AFAP1L2: variants seen among roughly 807,000 people sequenced by gnomAD.
AFAP1L2 encodes the protein actin filament associated protein 1 like 2.
In AFAP1L2, 46 loss-of-function variants were observed where a neutral mutation model predicts 99.3. The ratio of observed to expected loss-of-function variants is 0.46; its 90% CI spans 0.37 to 0.59. AFAP1L2 has a LOEUF of 0.59. Ranked by LOEUF, AFAP1L2 falls within the 20% of genes least tolerant of loss-of-function variation. The pLI, the probability that AFAP1L2 is intolerant of heterozygous loss-of-function variation, is 0.00. For synonymous variants in AFAP1L2, 397 were observed against 419.1 expected (o/e 0.95, Z 0.64); for missense variants, 959 against 1,034.9 (o/e 0.93, Z 1.01).
At chr10:114,324,012 G>A (rs938636009) in intron 4 of AFAP1L2, among the ~76,000 whole-genome samples, 7 of 152,198 alleles carry the variant, frequency 4.6e-5, no homozygotes, top group Admixed American at 6.5e-5. Context: ...GAGGTTGAAC[G>A]TGTGCAATTT....
chr10:114,309,423 G>A (rs1205930349), intron 8 of AFAP1L2, among the ~76,000 whole-genome samples: 1 of 152,202 alleles, frequency 6.6e-6, no homozygotes, highest in East Asian at 1.9e-4. Flanking sequence ...AGCCCTCTGT[G>A]TGCCTCTTGT....
chr10:114,306,155 A>AGGAGG, intron 10 of AFAP1L2, among the ~76,000 whole-genome samples: 1 of 96,256 alleles, frequency 1.0e-5, no homozygotes, highest in Admixed American at 1.1e-4. Flanking sequence ...ACGGGGCTGC[A>AGGAGG]GGACGGGATG....
At chr10:114,306,894 C>T (rs2042539707) in intron 10 of AFAP1L2, among the ~76,000 whole-genome samples, 1 of 152,156 alleles carries the variant, frequency 6.6e-6, no homozygotes, top group African/African-American at 2.4e-5. Context: ...GGCACCCTGG[C>T]TGGAGAAGCC....
At chr10:114,360,960 G>A (rs1019366252) in intron 1 of AFAP1L2, among the ~76,000 whole-genome samples, 3 of 152,106 alleles carry the variant, frequency 2.0e-5, no homozygotes, top group African/African-American at 7.2e-5. Context: ...CCTGAGACTA[G>A]GCAATTTACA....
Position 114,297,020 on chromosome 10 carries a change from C to T in AFAP1L2, c.2388G>A (p.Ser796=), listed in dbSNP as rs62641713. 13,230 of 1,614,070 alleles carry T rather than the reference C, an allele frequency of 8.2e-3. 880 individuals are homozygous for T. In the African/African-American group the frequency reaches 0.15, roughly 19 times the overall value. ...SATTLKNRPL[S]VVVTGKGTVL... ...CAGTGCCTTTGCCTGTGACCACGAC[C>T]GAGAGAGGCCTGTTCTTGAGTGTGG... Residue 796 remains serine (S), a synonymous_variant, in exon 18 of 19, where the codon TCG becomes TCA. Transcript: ENST00000304129.
At position 114,310,371 on chromosome 10, in the gene AFAP1L2, G is replaced by T. The variant is rs372044850; in HGVS notation, c.865C>A (p.Arg289Ser). The T allele has an allele frequency of 6.2e-7, 1 of 1,613,480 alleles. No homozygotes were observed. The highest frequency in any genetic ancestry group is 8.5e-7 in the Non-Finnish European group (1 of 1,179,786). Residue 289 changes from arginine (R) to serine (S), a missense_variant, in exon 8 of 19, where the codon CGC (arginine) becomes AGC (serine). Transcript: ENST00000304129. ...AGGCTTACTTTCTGGCAGTTAAAGC[G>T]CTGGGCATCCGGGGTGTACTGGTTT... is the stretch of plus-strand genomic sequence containing the variant. Reference protein sequence around the residue: ...EGNQYTPDAQRFNCQKPDIAE... With the variant: ...EGNQYTPDAQSFNCQKPDIAE...
At chr10:114,359,728 G>C (rs1590526351) in intron 1 of AFAP1L2, among the ~76,000 whole-genome samples, 1 of 152,190 alleles carries the variant, frequency 6.6e-6, no homozygotes, top group South Asian at 2.1e-4. Context: ...CACTGTAATA[G>C]TATATCCTAT....
intron 5 of AFAP1L2, among the ~76,000 whole-genome samples, chr10:114,322,967 G>T (rs1173699112): frequency 6.6e-6 from 1 of 152,236 alleles, no homozygotes; most frequent in African/African-American, 2.4e-5. Context: ...TCTGCTGTGG[G>T]TCTTGGCTCC....
chr10:114,356,815 G>A (rs532297095), intron 1 of AFAP1L2, among the ~76,000 whole-genome samples: 16 of 152,318 alleles, frequency 1.1e-4, no homozygotes, highest in African/African-American at 3.6e-4. Context: ...AGAATTCCAT[G>A]GGAGCAGTGA....
In AFAP1L2 at chr10:114,294,861, CT is replaced by C. The variant is rs1589876636; in HGVS notation, c.*1180del. ...GAACATTTTATTTTAAAAAACCTAA[CT>C]AACTCACCACTTGGTAAAAGGTCAC... is the stretch of plus-strand genomic sequence containing the variant. On this transcript the variant is annotated 3_prime_UTR_variant, in exon 19 of 19. Transcript: ENST00000304129. 3 of 845,572 alleles carry C rather than the reference CT, an allele frequency of 3.5e-6. No individual in the cohort carries two copies. The highest frequency in any genetic ancestry group is 2.6e-6 in the Non-Finnish European group (2 of 760,604). 52.4% of individuals were successfully genotyped at this position (845,572 alleles called of 1,614,324 possible).
Position 114,297,008 on chromosome 10 carries a change from T to C in AFAP1L2, c.2400A>G (p.Thr800=). The change falls in exon 18 of 19, where the codon ACA becomes ACG. Residue 800 remains threonine, a synonymous_variant. Transcript: ENST00000304129. ...LKNRPLSVVV[T]GKGTVLQKAK... is the part of the protein sequence containing the mutation. ...CTTTCTGGAGTACAGTGCCTTTGCC[T>C]GTGACCACGACCGAGAGAGGCCTGT... 6.2e-7 allele frequency: 1 copy of C among 1,614,206 alleles called. No individual in the cohort carries two copies. The highest frequency in any genetic ancestry group is 8.5e-7 in the Non-Finnish European group (1 of 1,180,042).
At position 114,297,256 on chromosome 10, in the gene AFAP1L2, G is replaced by C. The variant is rs150853765; in HGVS notation, c.2271C>G (p.Thr757=). The part of the protein sequence containing the change: ...AEAGPVTLGT[T]VDTTHLENVS... ...CATTCTCCAGGTGGGTGGTGTCCAC[G>C]GTGGTGCCTAACGTCACAGGCCCTG... Residue 757 remains threonine (T), a synonymous_variant, in exon 17 of 19, where the codon ACC becomes ACG. Transcript: ENST00000304129. 5 of 1,598,420 alleles carry C rather than the reference G, an allele frequency of 3.1e-6. No homozygotes were observed. Among genetic ancestry groups the C allele is most frequent in the Non-Finnish European group, 4.3e-6 (5 of 1,170,512 alleles).
intron 2 of AFAP1L2, among the ~76,000 whole-genome samples, chr10:114,339,959 T>A (rs1024464046): frequency 1.4e-5 from 2 of 143,126 alleles, no homozygotes; most frequent in African/African-American, 5.2e-5. Flanking sequence ...TGCAGTGGAC[T>A]GAGATCATGC....
chr10:114,319,997 C>T (rs974168885), intron 5 of AFAP1L2, among the ~76,000 whole-genome samples: 1 of 152,118 alleles, frequency 6.6e-6, no homozygotes. Flanking sequence ...TTGCGTCCCT[C>T]GAGGGTGGCC....
At chr10:114,391,474 C>T (rs918118677) in intron 1 of AFAP1L2, among the ~76,000 whole-genome samples, 1 of 152,218 alleles carries the variant, frequency 6.6e-6, no homozygotes, top group Non-Finnish European at 1.5e-5. Flanking sequence ...CCTGCCTCAG[C>T]CTCCCAAAGT....
chr10:114,337,736 C>G (rs2048195667), intron 2 of AFAP1L2, among the ~76,000 whole-genome samples: 1 of 152,214 alleles, frequency 6.6e-6, no homozygotes, highest in South Asian at 2.1e-4. Flanking sequence ...GCACCAAGAT[C>G]CACGGGTCAG....
chr10:114,335,428 T>A (rs7917053), intron 2 of AFAP1L2, among the ~76,000 whole-genome samples: 22 of 151,804 alleles, frequency 1.4e-4, no homozygotes, highest in East Asian at 7.7e-4. Flanking sequence ...CTGGCTAACA[T>A]GGTGAAACCC....
the AFAP1L2 span, among the ~76,000 whole-genome samples, chr10:114,288,475 C>A: frequency 6.6e-6 from 1 of 152,224 alleles, no homozygotes; most frequent in Non-Finnish European, 1.5e-5. Context: ...GCCCACAAAC[C>A]CAAACCCCAT....
chr10:114,295,037 GC>G lies in AFAP1L2; in HGVS notation c.*1004del, dbSNP rs1309183162. On this transcript the variant is annotated 3_prime_UTR_variant, in exon 19 of 19. Coordinates refer to ENST00000304129, the MANE Select transcript of AFAP1L2 (RefSeq NM_001001936.3). ...GTGTTAAAAAAAAAAAAAAAAAAAT[GC>G]CATCAGAGGAAAAGACAGGGGCAGC... 5 of 707,220 alleles carry G rather than the reference GC, an allele frequency of 7.1e-6. No homozygotes were observed. Among genetic ancestry groups the G allele is most frequent in the Non-Finnish European group, 8.4e-6 (5 of 598,592 alleles). The allele number at this position is 707,220 out of a possible 1,614,324, so 43.8% of individuals were successfully genotyped here.
Sources: allele counts gnomAD v4.1 joint callset (sites outside exome capture counted in the v4.1 genomes callset), GRCh38; gene constraint gnomAD v4.1.1; transcripts MANE v1.5; gene names NCBI Gene and HGNC (gene_info 2026-07-23, HGNC 2026-07-21).